The following NRAP variants were observed in gnomAD, a reference collection of about 807,000 sequenced individuals.
NRAP encodes nebulin related anchoring protein.
A neutral mutation model predicts 225.9 loss-of-function variants in NRAP; 189 were observed. That is an observed-to-expected ratio of 0.84 (90% CI 0.74 to 0.94). The LOEUF (loss-of-function observed/expected upper bound fraction) is 0.94. NRAP is among the 40% of genes least tolerant of loss of function. The pLI, the probability that NRAP is intolerant of heterozygous loss-of-function variation, is 0.00. For synonymous variants in NRAP, 769 were observed against 790.7 expected (o/e 0.97, Z 0.46); for missense variants, 2,176 against 2,168.7 (o/e 1.00, Z -0.07).
chr10:113,653,908 T>C (rs1465375018), intron 5 of NRAP, 113 bp downstream of exon 5: 1 of 749,702 alleles, frequency 1.3e-6, no homozygotes, highest in African/African-American at 1.7e-5. Flanking sequence ...ATGGGTATCT[T>C]TGGGGATGAT....
At chr10:113,656,272 A>T (rs1361657396) in intron 4 of NRAP, among the ~76,000 whole-genome samples, 1 of 152,254 alleles carries the variant, frequency 6.6e-6, no homozygotes, top group Non-Finnish European at 1.5e-5. Context: ...TCTTTAAATC[A>T]ATTGCCAATC....
At position 113,657,497 on chromosome 10, in the gene NRAP, T is replaced by C. The variant is rs199637414; in HGVS notation, c.333A>G (p.Ala111=). The change falls in exon 4 of 42, where the codon GCA becomes GCG. Residue 111 remains alanine (A), a synonymous_variant. Coordinates refer to ENST00000359988, the MANE Select transcript of NRAP (RefSeq NM_198060.4). ...CATTTGCCAGTGGCTGCCTGTTAGG[T>C]GCACCTTCCTTATCCTTGGATTTCA... The part of the protein sequence containing the change: ...WDMKSKDKEG[A]PNRQPLANER... The C allele has an allele frequency of 8.7e-6, 14 of 1,604,016 alleles. No homozygotes were observed. The African/African-American group carries it at 1.3e-4, about 15-fold the overall frequency.
chr10:113,645,846 G>T lies in NRAP; in HGVS notation c.1089C>A (p.Ser363Arg), dbSNP rs370263248. The T allele has an allele frequency of 3.1e-6, 5 of 1,599,468 alleles. No individual in the cohort carries two copies. Among genetic ancestry groups the T allele is most frequent in the Admixed American group, 1.7e-5 (1 of 58,952 alleles). The change falls in exon 11 of 42, where the codon AGC (serine) becomes AGA (arginine). Residue 363 changes from serine (S) to arginine (R), a missense_variant. Physicochemically the swap from Ser to Arg is moderately radical, Grantham distance 110. This residue lies in a region of NRAP where 1,708 missense variants were observed against 1,695.5 expected (regional missense o/e 1.01). Transcript: ENST00000359988. ...GCACCTCACTCACGAGTTTGTTTAC[G>T]CTCTGAGCCTGTTTGAGAACCAAGT... is the stretch of plus-strand genomic sequence containing the variant. ...QDNLVLKQAQ[S>R]VNKLVSEVEY... is the part of the protein sequence containing the mutation.
chr10:113,623,608 T>G lies in NRAP; in HGVS notation c.2378A>C (p.Gln793Pro), dbSNP rs1371667616. The change falls in exon 23 of 42, where the codon CAG (glutamine) becomes CCG (proline). Residue 793 changes from glutamine (Q) to proline (P), a missense_variant. Gln to Pro is a moderately conservative substitution (Grantham distance 76, BLOSUM62 -1). Around this residue, in one of 3 missense-constraint regions of NRAP, gnomAD observed 1,708 missense variants for 1,695.5 expected, o/e 1.01. Transcript: ENST00000359988. Reference sequence around the variant, plus strand: ...ACGCAGCTCAAACCCTTTTGCTTTCTGGTTTTCCCAGCTGCTCTTATACAG... The same window carrying G: ...ACGCAGCTCAAACCCTTTTGCTTTCGGGTTTTCCCAGCTGCTCTTATACAG... ...EKLYKSSWEN[Q>P]KAKGFELRLD... is the part of the protein sequence containing the mutation. 2 of 1,613,930 alleles carry G rather than the reference T, an allele frequency of 1.2e-6. No homozygotes were observed. Among genetic ancestry groups the G allele is most frequent in the Non-Finnish European group, 8.5e-7 (1 of 1,179,922 alleles).
At chr10:113,651,318 T>G (rs569600523) in intron 7 of NRAP, among the ~76,000 whole-genome samples, 193 of 152,294 alleles carry the variant, frequency 1.3e-3, no homozygotes, top group African/African-American at 4.5e-3. Flanking sequence ...CCTTCCTCAT[T>G]TCTCTCTCTT....
At position 113,617,542 on chromosome 10, in the gene NRAP, A is replaced by G. The variant is rs1452052745; in HGVS notation, c.2886T>C (p.Arg962=). ...AGELISEKKY[R]QHPDALKFTS... ...TAAACTTCAAAGCATCTGGATGCTG[A>G]CGGTACTTCTTCTGTTGAGCAGAAA... is the stretch of plus-strand genomic sequence containing the variant. The change falls in exon 26 of 42, where the codon CGT becomes CGC. Residue 962 remains arginine, a synonymous_variant. Transcript: ENST00000359988. 1 of 1,603,776 alleles carries G rather than the reference A, an allele frequency of 6.2e-7. No homozygotes were observed. The highest frequency in any genetic ancestry group is 8.5e-7 in the Non-Finnish European group (1 of 1,170,544).
chr10:113,608,488 A>C lies in NRAP; in HGVS notation c.3628T>G (p.Ser1210Ala). 3 of 1,612,246 alleles carry C rather than the reference A, an allele frequency of 1.9e-6. No individual in the cohort carries two copies. The South Asian group carries it at 3.3e-5, about 18-fold the overall frequency. ...TCTGTCACAGCTGTGTACTTGAATG[A>C]GTGGGGATGCTGCCGATATTTACTC... Reference protein sequence around the residue: ...SESKYRQHPHSFKYTAVTDTP... With the variant: ...SESKYRQHPHAFKYTAVTDTP... The change falls in exon 32 of 42, where the codon TCA becomes GCA. Residue 1210 changes from serine to alanine, a missense_variant. By Grantham distance (99) the Ser-to-Ala change is moderately conservative. Coordinates refer to ENST00000359988, the MANE Select transcript of NRAP (RefSeq NM_198060.4).
chr10:113,638,596 G>A (rs1592830038), intron 14 of NRAP, among the ~76,000 whole-genome samples: 1 of 152,340 alleles, frequency 6.6e-6, no homozygotes, highest in South Asian at 2.1e-4. Context: ...AGCTAAAGGA[G>A]GTACAGCAAC....
In NRAP at chr10:113,592,253, A is replaced by T; in HGVS notation, c.4585T>A (p.Phe1529Ile). 6.2e-7 allele frequency: 1 copy of T among 1,612,984 alleles called. No individual in the cohort carries two copies. Among genetic ancestry groups the T allele is most frequent in the Non-Finnish European group, 8.5e-7 (1 of 1,179,454 alleles). Residue 1529 changes from phenylalanine (F) to isoleucine (I), a missense_variant, in exon 39 of 42, where the codon TTC (phenylalanine) becomes ATC (isoleucine). Coordinates refer to ENST00000359988, the MANE Select transcript of NRAP (RefSeq NM_198060.4). ...WEQTRAGSYD[F>I]RLDAIPFQTA... ...TGGAAGGGGATGGCATCCAGCCTGA[A>T]GTCATAACTGCCAGCCCGGGTCTGC... is the stretch of plus-strand genomic sequence containing the variant.
chr10:113,609,770 C>T (rs1185892496), intron 31 of NRAP, among the ~76,000 whole-genome samples: 2 of 152,160 alleles, frequency 1.3e-5, no homozygotes. Flanking sequence ...TCAGTGCTGG[C>T]CTGGAATGTC....
At chr10:113,595,056 C>G (rs933600379) in intron 38 of NRAP, among the ~76,000 whole-genome samples, 1 of 152,238 alleles carries the variant, frequency 6.6e-6, no homozygotes, top group African/African-American at 2.4e-5. Context: ...CTGCTAACAA[C>G]AAGCCTGGGT....
At chr10:113,620,187 A>G (rs940431248) in intron 25 of NRAP, among the ~76,000 whole-genome samples, 3 of 152,194 alleles carry the variant, frequency 2.0e-5, no homozygotes, top group Admixed American at 6.5e-5. Flanking sequence ...ACCATGTCAC[A>G]TGGTGGCCAC....
At chr10:113,659,039 CT>C (rs780571363) in intron 3 of NRAP, among the ~76,000 whole-genome samples, 1 of 152,104 alleles carries the variant, frequency 6.6e-6, no homozygotes, top group East Asian at 1.9e-4. Context: ...CTGATATTGA[CT>C]TTCCAGGGTT....
intron 26 of NRAP, among the ~76,000 whole-genome samples, chr10:113,617,019 A>G (rs1041391523): frequency 1.3e-5 from 2 of 152,188 alleles, no homozygotes; most frequent in African/African-American, 4.8e-5. Context: ...ATCAGACCCA[A>G]ATCATGTTCA....
In NRAP at chr10:113,622,108, G is replaced by A; in HGVS notation, c.2530C>T (p.Gln844Ter). ...IGAKDVQGDSQMSHSLQMSKL... is the reference protein window; with the variant it reads ...IGAKDVQGDS ...GACATTTGCAGTGAGTGGCTCATTT[G>A]CGAATCTCCCTGTACATCTTTTGCC... The change falls in exon 24 of 42, where the codon CAA (glutamine) becomes TAA (stop). Residue 844 changes from glutamine (Q) to a stop codon, truncating the protein, a stop_gained. Coordinates refer to ENST00000359988, the MANE Select transcript of NRAP (RefSeq NM_198060.4). LOFTEE classifies it high-confidence loss of function. 1 of 1,614,030 alleles carries A rather than the reference G, an allele frequency of 6.2e-7. No homozygotes were observed. Among genetic ancestry groups the A allele is most frequent in the Non-Finnish European group, 8.5e-7 (1 of 1,179,900 alleles).
intron 25 of NRAP, among the ~76,000 whole-genome samples, chr10:113,617,867 G>A (rs749073074): frequency 2.6e-5 from 4 of 152,210 alleles, no homozygotes; most frequent in Admixed American, 2.0e-4. Flanking sequence ...ATACTTTGTC[G>A]CAGTTGTTTA....
rs1846870737 is a variant in NRAP, at chr10:113,605,061, C to G, written c.3916-141G>C. The G allele has an allele frequency of 1.1e-5, 9 of 797,484 alleles. No homozygotes were observed. In the South Asian group the frequency reaches 1.7e-4, roughly 15 times the overall value. 49.4% of individuals were successfully genotyped at this position (797,484 alleles called of 1,614,324 possible). On this transcript the variant is annotated intron_variant, in intron 34 of 41. Transcript: ENST00000359988. Reference sequence around the variant, plus strand: ...CTGGCCTGAGAGTGTGCCTTCCTCCCTGGGGGATGAACAATTAAAACATCG... The same window carrying G: ...CTGGCCTGAGAGTGTGCCTTCCTCCGTGGGGGATGAACAATTAAAACATCG...
In NRAP at chr10:113,657,447, C is replaced by A. The variant is rs115250925; in HGVS notation, c.360+23G>T. 3.4e-4 allele frequency: 399 copies of A among 1,184,334 alleles called. 1 individual carries two copies. The African/African-American group carries it at 5.4e-3, about 16-fold the overall frequency. 73.4% of individuals were successfully genotyped at this position (1,184,334 alleles called of 1,614,324 possible). ...GTATGTCATTCTTTCTTTTTCCAAA[C>A]CCACTTGTCACTTTTCTCTCACCTC... On this transcript the variant is annotated intron_variant, in intron 4 of 41. Coordinates refer to ENST00000359988, the MANE Select transcript of NRAP (RefSeq NM_198060.4).
At chr10:113,620,553 GC>G in intron 25 of NRAP, 50 bp downstream of exon 25, 1 of 1,144,022 alleles carries the variant, frequency 8.7e-7, no homozygotes, top group Non-Finnish European at 1.3e-6. Context: ...ATACAGAGAC[GC>G]CGCACGCCTA....
Sources: gnomAD v4.1 joint callset for allele counts (sites outside exome capture counted in the v4.1 genomes callset) on GRCh38, gnomAD v4.1.1 for gene constraint, gnomAD v4.1.1 regional missense constraint, MANE v1.5 for transcripts, NCBI Gene and HGNC (gene_info 2026-07-23, HGNC 2026-07-21) for gene names.